Variants in RUBCNL observed in about 807,000 individuals in gnomAD.
RUBCNL encodes the protein rubicon like autophagy enhancer.
A neutral mutation model predicts 69.5 loss-of-function variants in RUBCNL; 62 were observed. The observed-to-expected ratio is 0.89, with a 90% confidence interval of 0.73 to 1.10. RUBCNL has a LOEUF of 1.10. RUBCNL is among the 50% of genes least tolerant of loss of function. RUBCNL has a pLI of 0.00. For synonymous variants in RUBCNL, 291 were observed against 303.6 expected, an observed-to-expected ratio of 0.96 and a Z score of 0.43; for missense variants, 768 against 798.1, an observed-to-expected ratio of 0.96 and a Z score of 0.45.
rs1202550054 is a variant in RUBCNL, at chr13:46,343,400, G to C, written c.1974C>G (p.Ala658=). ...CTCAGGGGCATCATGTTGCTGCAGA[G>C]GCCACACTTTCCAGAAGTTTTCTCC... The part of the protein sequence containing the change: ...TARRKLLESV[A]SAAT Residue 658 remains alanine (A), a synonymous_variant, in exon 15 of 15, where the codon GCC becomes GCG. Coordinates refer to ENST00000429979, the MANE Select transcript of RUBCNL (RefSeq NM_025113.5). The C allele has an allele frequency of 6.2e-7, 1 of 1,613,456 alleles. No individual in the cohort carries two copies. Among genetic ancestry groups the C allele is most frequent in the Non-Finnish European group, 8.5e-7 (1 of 1,179,744 alleles).
At chr13:46,365,661 G>A (rs2048737391) in intron 5 of RUBCNL, among the ~76,000 whole-genome samples, 1 of 152,130 alleles carries the variant, frequency 6.6e-6, no homozygotes, top group Non-Finnish European at 1.5e-5. Flanking sequence ...AGCCATGGGG[G>A]GAAATGTCTG....
At chr13:46,355,290 C>T (rs1243244782) in intron 10 of RUBCNL, among the ~76,000 whole-genome samples, 2 of 144,802 alleles carry the variant, frequency 1.4e-5, no homozygotes, top group East Asian at 2.2e-4. Flanking sequence ...GAGGAAAGCC[C>T]GAGCTTTTTT....
rs985818588 is a variant in RUBCNL at position 46,339,422 on chromosome 13, T to C, written c.*3963A>G. 1.3e-5 allele frequency among the ~76,000 whole-genome samples: 2 copies of C among 152,212 alleles called. No individual in the cohort carries two copies. Among genetic ancestry groups the C allele is most frequent in the African/African-American group, 4.8e-5 (2 of 41,452 alleles). ...TCAGGAAGGCTTCCTGCAGGTAGCA[T>C]CTGACGGTGGCTAAGCCAGCCATGC... is the stretch of plus-strand genomic sequence containing the variant. On this transcript the variant is annotated 3_prime_UTR_variant, in exon 15 of 15. Transcript: ENST00000429979.
chr13:46,350,157 C>A lies in RUBCNL; in HGVS notation c.1525G>T (p.Gly509Cys). 1 of 1,582,376 alleles carries A rather than the reference C, an allele frequency of 6.3e-7. No homozygotes were observed. Among genetic ancestry groups the A allele is most frequent in the Non-Finnish European group, 8.6e-7 (1 of 1,163,580 alleles). Residue 509 changes from glycine to cysteine, a missense_variant, in exon 11 of 15, where the codon GGC becomes TGC. Gly to Cys is a radical substitution (Grantham distance 159). Transcript: ENST00000429979. Reference protein sequence around the residue: ...HQPIFNLLSIGQSLYAKAKEL... With the variant: ...HQPIFNLLSICQSLYAKAKEL... ...TTGGCTTTCGCATACAGGCTTTGGCCGATGCTCAGCAAATTGAAAATGGGC... is the reference window on the plus strand; with the variant it reads ...TTGGCTTTCGCATACAGGCTTTGGCAGATGCTCAGCAAATTGAAAATGGGC...
chr13:46,361,844 C>T (rs1288651623), intron 7 of RUBCNL, among the ~76,000 whole-genome samples: 1 of 152,042 alleles, frequency 6.6e-6, no homozygotes, highest in Non-Finnish European at 1.5e-5. Context: ...GCATTCAAGC[C>T]CTACTTCTAC....
At chr13:46,386,595 G>A (rs886357421) in intron 1 of RUBCNL, among the ~76,000 whole-genome samples, 3 of 143,228 alleles carry the variant, frequency 2.1e-5, no homozygotes, top group Admixed American at 7.1e-5. Flanking sequence ...GTGGCGGGGG[G>A]TTGGGGGCGA....
intron 2 of RUBCNL, among the ~76,000 whole-genome samples, chr13:46,372,969 C>T (rs2048911365): frequency 6.6e-6 from 1 of 151,570 alleles, no homozygotes; most frequent in South Asian, 2.1e-4. Flanking sequence ...TCCACATTTT[C>T]TTTCTTTCTT....
rs142347291 is a variant in RUBCNL at position 46,356,766 on chromosome 13, T to C, written c.1266-270A>G. Among the ~76,000 whole-genome samples, 3 of 152,190 alleles carry C rather than the reference T, an allele frequency of 2.0e-5. No individual in the cohort carries two copies. The East Asian group carries it at 5.8e-4, about 29-fold the overall frequency. On this transcript the variant is annotated intron_variant, in intron 9 of 14. Transcript: ENST00000429979. ...TCACGCAGGCTGGAGGGCACTGGCA[T>C]GATCATAGTTCACTACTGCCTCAAA...
chr13:46,336,655 CAGTGACTACTG>C lies in RUBCNL; in HGVS notation c.*6719_*6729del, dbSNP rs1461486709. ...GGTAGAGAGGTAGGTGAAGACAATA[CAGTGACTACTG>C]AATTTAGATATTGCTAGTGACCTTG... On this transcript the variant is annotated 3_prime_UTR_variant, in exon 15 of 15. Transcript: ENST00000429979. Among the ~76,000 whole-genome samples the C allele has an allele frequency of 8.5e-5, 13 of 152,142 alleles. No individual in the cohort carries two copies. The South Asian group carries it at 2.7e-3, about 32-fold the overall frequency.
intron 1 of RUBCNL, chr13:46,378,561 C>T (rs2765624): frequency 0.36 from 54,755 of 151,736 alleles, 10,189 homozygotes; most frequent in East Asian, 0.48. Flanking sequence ...TTCAGGACAC[C>T]TCCAGCCAAG....
chr13:46,372,160 C>T lies in RUBCNL; in HGVS notation c.316G>A (p.Glu106Lys). 1.2e-6 allele frequency: 2 copies of T among 1,614,046 alleles called. No individual in the cohort carries two copies. Among genetic ancestry groups the T allele is most frequent in the Non-Finnish European group, 1.7e-6 (2 of 1,179,904 alleles). ...GDSLAETTLSEDTTDSVGSAS... is the reference protein window; with the variant it reads ...GDSLAETTLSKDTTDSVGSAS... Reference sequence around the variant, plus strand: ...CTGCCAACGGAGTCTGTGGTATCCTCAGACAACGTTGTCTCTGCCAGGGAG... The same window carrying T: ...CTGCCAACGGAGTCTGTGGTATCCTTAGACAACGTTGTCTCTGCCAGGGAG... Residue 106 changes from glutamate (E) to lysine (K), a missense_variant, in exon 3 of 15, where the codon GAG becomes AAG. Physicochemically the swap from Glu to Lys is moderately conservative, Grantham distance 56 (BLOSUM62 1). Coordinates refer to ENST00000429979, the MANE Select transcript of RUBCNL (RefSeq NM_025113.5).
intron 3 of RUBCNL, among the ~76,000 whole-genome samples, chr13:46,369,159 G>T (rs538239039): frequency 6.6e-6 from 1 of 152,176 alleles, no homozygotes; most frequent in East Asian, 1.9e-4. Context: ...CCAAAAGCAG[G>T]GTCCTAAGGA....
rs1360448231 is a variant in RUBCNL, at chr13:46,387,247, A to C, written c.-352T>G. The C allele has an allele frequency of 1.0e-6, 1 of 985,162 alleles. No homozygotes were observed. The highest frequency in any genetic ancestry group is 1.2e-6 in the Non-Finnish European group (1 of 829,936). The allele number at this position is 985,162 out of a possible 1,614,324, so 61.0% of individuals were successfully genotyped here. A position where few individuals can be genotyped will look rare whatever the true frequency, so the allele number is the denominator to read the frequency against. ...CCACCGCGCTCCCGGTAACAGCAGA[A>C]AGGGGAGGGAGGAGAGCTACCGAGG... is the stretch of plus-strand genomic sequence containing the variant. On this transcript the variant is annotated 5_prime_UTR_variant, in exon 1 of 15. Transcript: ENST00000429979.
rs372822136 is a variant in RUBCNL at position 46,356,824 on chromosome 13, C to T, written c.1266-328G>A. 2.3e-4 allele frequency among the ~76,000 whole-genome samples: 35 copies of T among 151,876 alleles called. 1 individual carries two copies. Among genetic ancestry groups the T allele is most frequent in the African/African-American group, 7.7e-4 (32 of 41,446 alleles). On this transcript the variant is annotated intron_variant, in intron 9 of 14. Transcript: ENST00000429979. Reference sequence around the variant, plus strand: ...GCTCAGCTCAAGCAATCCTCAGCCTCCTGTGTAGGTAGCTAGGACTACATG... The same window carrying T: ...GCTCAGCTCAAGCAATCCTCAGCCTTCTGTGTAGGTAGCTAGGACTACATG...
chr13:46,347,316 A>G (rs1331025473), intron 12 of RUBCNL, among the ~76,000 whole-genome samples: 1 of 152,138 alleles, frequency 6.6e-6, no homozygotes, highest in African/African-American at 2.4e-5. Context: ...GTGAGGCACG[A>G]GAATCGCTTG....
Position 46,372,361 on chromosome 13 carries a change from G to C in RUBCNL, c.115C>G (p.Pro39Ala). The C allele has an allele frequency of 6.2e-7, 1 of 1,614,030 alleles. No individual in the cohort carries two copies. The highest frequency in any genetic ancestry group is 8.5e-7 in the Non-Finnish European group (1 of 1,179,900). The change falls in exon 3 of 15, where the codon CCT becomes GCT. Residue 39 changes from proline (P) to alanine (A), a missense_variant. Transcript: ENST00000429979. ...SPRLLNTDHP[P>A]CQLDIRLMRH... is the part of the protein sequence containing the mutation. ...ATGAGCCTGATGTCTAATTGGCAAGGAGGATGGTCAGTGTTCAGGAGTCTG... is the reference window on the plus strand; with the variant it reads ...ATGAGCCTGATGTCTAATTGGCAAGCAGGATGGTCAGTGTTCAGGAGTCTG...
At chr13:46,354,619 C>T (rs1459531398) in intron 10 of RUBCNL, 2 of 354,900 alleles carry the variant, frequency 5.6e-6, no homozygotes, top group Admixed American at 6.7e-5. Flanking sequence ...ACATGACGAA[C>T]ACCCCTACTT....
Position 46,335,300 on chromosome 13 carries a change from C to T in RUBCNL, c.*8085G>A, listed in dbSNP as rs1426522275. 3.0e-5 allele frequency among the ~76,000 whole-genome samples: 4 copies of T among 134,518 alleles called. No homozygotes were observed. Among genetic ancestry groups the T allele is most frequent in the African/African-American group, 8.8e-5 (3 of 33,914 alleles). 88.2% of individuals were successfully genotyped at this position (134,518 alleles called of 152,430 possible). ...TTTTTTTTTTTAAGAGACAGGGTCT[C>T]GCTATGTTGCACAGGCTGGTCACAA... is the stretch of plus-strand genomic sequence containing the variant. On this transcript the variant is annotated 3_prime_UTR_variant, in exon 15 of 15. Coordinates refer to ENST00000429979, the MANE Select transcript of RUBCNL (RefSeq NM_025113.5).
chr13:46,361,373 G>T, intron 8 of RUBCNL, 68 bp downstream of exon 8: 2 of 1,547,328 alleles, frequency 1.3e-6, no homozygotes, highest in Non-Finnish European at 1.8e-6. Flanking sequence ...AATGTTTAAA[G>T]TGAACAGGGC....
Sources: gnomAD v4.1 joint callset for allele counts (sites outside exome capture counted in the v4.1 genomes callset) on GRCh38, gnomAD v4.1.1 for gene constraint, MANE v1.5 for transcripts, NCBI Gene and HGNC (gene_info 2026-07-23, HGNC 2026-07-21) for gene names.